DCDC1: variants seen among roughly 807,000 people sequenced by gnomAD.
DCDC1 encodes doublecortin domain-containing protein 1.
Under a neutral mutation model 178.3 loss-of-function variants are expected in DCDC1, and 200 were observed. The ratio of observed to expected loss-of-function variants is 1.12; its 90% CI spans 1.00 to 1.26. The LOEUF (loss-of-function observed/expected upper bound fraction) is 1.26, where lower values mean the gene tolerates loss of function less well. Ranked by LOEUF, DCDC1 falls within the 50% of genes most tolerant of loss-of-function variation. The probability of loss-of-function intolerance (pLI) is 0.00; values close to 1 mark genes in which losing one functional copy is unlikely to be tolerated. For missense variants in DCDC1, 1,983 were observed against 1,749.2 expected (o/e 1.13, Z -2.38); for synonymous variants, 690 against 604.8 (o/e 1.14, Z -2.07).
At chr11:31,296,150 C>T (rs1947671278) in intron 6 of DCDC1, among the ~76,000 whole-genome samples, 1 of 152,142 alleles carries the variant, frequency 6.6e-6, no homozygotes, top group Non-Finnish European at 1.5e-5. Flanking sequence ...TCAACAAATA[C>T]TTGTTGAGTG....
intron 9 of DCDC1, among the ~76,000 whole-genome samples, chr11:31,234,672 G>A (rs534409841): frequency 6.6e-5 from 10 of 152,196 alleles, no homozygotes; most frequent in African/African-American, 1.4e-4. Flanking sequence ...ATTCTTGTCC[G>A]TTCACACGAA....
chr11:30,975,523 A>G (rs1172139173), intron 20 of DCDC1, among the ~76,000 whole-genome samples: 1 of 152,100 alleles, frequency 6.6e-6, no homozygotes, highest in East Asian at 1.9e-4. Context: ...ATAAATTTAC[A>G]GGACACAAAA....
chr11:31,072,606 C>CT (rs1441325913), intron 18 of DCDC1, among the ~76,000 whole-genome samples: 1 of 151,936 alleles, frequency 6.6e-6, no homozygotes, highest in Non-Finnish European at 1.5e-5. Flanking sequence ...ACGTTTAAAT[C>CT]TTTAATTTAG....
At chr11:31,246,999 A>G (rs897868400) in intron 8 of DCDC1, among the ~76,000 whole-genome samples, 5 of 152,004 alleles carry the variant, frequency 3.3e-5, no homozygotes, top group Non-Finnish European at 7.4e-5. Context: ...ATCCTATTAA[A>G]CTGACGGCAT....
At chr11:31,281,207 T>C (rs1226416932) in intron 7 of DCDC1, among the ~76,000 whole-genome samples, 4 of 152,132 alleles carry the variant, frequency 2.6e-5, no homozygotes, top group Non-Finnish European at 5.9e-5. Flanking sequence ...AAATAGTTTT[T>C]ATTTCTTCCT....
intron 21 of DCDC1, among the ~76,000 whole-genome samples, chr11:30,946,113 A>C (rs912622130): frequency 3.3e-5 from 5 of 152,174 alleles, no homozygotes; most frequent in Non-Finnish European, 7.3e-5. Context: ...CCATTGGGAA[A>C]GAGGTCCACA....
At position 31,025,543 on chromosome 11, in the gene DCDC1, C is replaced by G. The variant is rs183054931; in HGVS notation, c.2591+38926G>C. On this transcript the variant is annotated intron_variant, in intron 20 of 38. Transcript: ENST00000684477. ...CTAAGCCAATCTTCCTGTTTAGGGG[C>G]AAAAGTATAAAATCAAACGTTAAAC... Among the ~76,000 whole-genome samples, 1,030 of 151,448 alleles carry G rather than the reference C, an allele frequency of 6.8e-3. 33 individuals are homozygous for G. Among genetic ancestry groups the G allele is most frequent in the Admixed American group, 0.063 (957 of 15,210 alleles).
intron 9 of DCDC1, among the ~76,000 whole-genome samples, chr11:31,158,397 G>GT (rs1428447293): frequency 6.6e-6 from 1 of 152,004 alleles, no homozygotes; most frequent in Non-Finnish European, 1.5e-5. Context: ...GATTACAGGC[G>GT]TGAGCCACCG....
intron 20 of DCDC1, among the ~76,000 whole-genome samples, chr11:31,060,095 T>C (rs182010896): frequency 6.6e-6 from 1 of 152,102 alleles, no homozygotes; most frequent in East Asian, 1.9e-4. Flanking sequence ...TCCTATTTTA[T>C]CAGGGGAAAA....
chr11:31,006,555 A>G (rs983753320), intron 20 of DCDC1, among the ~76,000 whole-genome samples: 1 of 152,192 alleles, frequency 6.6e-6, no homozygotes, highest in African/African-American at 2.4e-5. Flanking sequence ...GCAGTGTATA[A>G]CTGGAAATGT....
intron 6 of DCDC1, among the ~76,000 whole-genome samples, chr11:31,302,995 A>T (rs1201732308): frequency 6.6e-6 from 1 of 152,238 alleles, no homozygotes; most frequent in Non-Finnish European, 1.5e-5. Flanking sequence ...TAGTATTCTC[A>T]GTTTGAAGGA....
chr11:30,960,620 A>G (rs1400395945), intron 20 of DCDC1, among the ~76,000 whole-genome samples: 1 of 152,168 alleles, frequency 6.6e-6, no homozygotes, highest in East Asian at 1.9e-4. Flanking sequence ...GCTTGCAGGC[A>G]GCCTTTTCGT....
chr11:30,974,002 C>T (rs951861310), intron 20 of DCDC1, among the ~76,000 whole-genome samples: 1 of 151,770 alleles, frequency 6.6e-6, no homozygotes, highest in Non-Finnish European at 1.5e-5. Flanking sequence ...AAAACAAGTC[C>T]CAACATATTT....
chr11:31,202,527 C>T (rs535792949), intron 9 of DCDC1, among the ~76,000 whole-genome samples: 11 of 152,186 alleles, frequency 7.2e-5, no homozygotes, highest in East Asian at 3.9e-4. Flanking sequence ...GCCAAGATTG[C>T]GCCATTACAC....
At chr11:30,977,279 A>C (rs1213517678) in intron 20 of DCDC1, among the ~76,000 whole-genome samples, 2 of 152,190 alleles carry the variant, frequency 1.3e-5, no homozygotes, top group East Asian at 1.9e-4. Flanking sequence ...GAGTAGGGTA[A>C]CTATAGTTAG....
chr11:31,127,606 T>G lies in DCDC1; in HGVS notation c.1348A>C (p.Ile450Leu). ...CAGAGATGACCTATGTTACTTTTGA[T>G]AGCTGTCTGCAATTCATCAATCAGC... is the stretch of plus-strand genomic sequence containing the variant. ...SRLIDELQTAIKSNIGHLCKL... is the reference protein window; with the variant it reads ...SRLIDELQTALKSNIGHLCKL... The change falls in exon 11 of 39, where the codon ATC becomes CTC. Residue 450 changes from isoleucine (I) to leucine (L), a missense_variant. By Grantham distance (5) the Ile-to-Leu change is conservative. Transcript: ENST00000684477. 1.4e-6 allele frequency: 1 copy of G among 702,576 alleles called. No individual in the cohort carries two copies. Among genetic ancestry groups the G allele is most frequent in the Non-Finnish European group, 2.6e-6 (1 of 384,720 alleles). The allele number at this position is 702,576 out of a possible 1,614,324, so 43.5% of individuals were successfully genotyped here. A position where few individuals can be genotyped will look rare whatever the true frequency, so the allele number is the denominator to read the frequency against.
chr11:31,344,535 T>C (rs1950720070), intron 1 of DCDC1, among the ~76,000 whole-genome samples: 1 of 152,232 alleles, frequency 6.6e-6, no homozygotes, highest in Non-Finnish European at 1.5e-5. Flanking sequence ...AACATCTTTG[T>C]GCTTCAGTTT....
chr11:30,936,256 G>A (rs1341309728), intron 21 of DCDC1, among the ~76,000 whole-genome samples: 8 of 152,096 alleles, frequency 5.3e-5, no homozygotes, highest in African/African-American at 1.9e-4. Context: ...CCAAATATGC[G>A]AGTCCATATA....
Position 30,960,725 on chromosome 11 carries a change from C to T in DCDC1, c.2592-8157G>A, listed in dbSNP as rs989943577. Among the ~76,000 whole-genome samples the T allele has an allele frequency of 6.6e-5, 10 of 152,118 alleles. 1 individual carries two copies. In the Middle Eastern group the frequency reaches 0.017, roughly 259 times the overall value. ...GAACAATTGGTATTTCTGATAGAAA[C>T]GTTATATAAAACAAAACATCTCAGG... On this transcript the variant is annotated intron_variant, in intron 20 of 38. Coordinates refer to ENST00000684477, the MANE Select transcript of DCDC1 (RefSeq NM_001387274.1).
Sources: allele counts gnomAD v4.1 joint callset (sites outside exome capture counted in the v4.1 genomes callset), GRCh38; gene constraint gnomAD v4.1.1; transcripts MANE v1.5; gene names NCBI Gene and HGNC (gene_info 2026-07-23, HGNC 2026-07-21).